CDKAL1: variants seen among roughly 807,000 people sequenced by gnomAD.
CDKAL1 encodes the protein CDKAL1 threonylcarbamoyladenosine tRNA methylthiotransferase.
In CDKAL1, 32 loss-of-function variants were observed where a neutral mutation model predicts 68.2. That is an observed-to-expected ratio of 0.47 (90% CI 0.35 to 0.63). The LOEUF (loss-of-function observed/expected upper bound fraction) is 0.63. CDKAL1 is among the 30% of genes least tolerant of loss of function. The probability of loss-of-function intolerance (pLI) is 0.00; values close to 1 mark genes in which losing one functional copy is unlikely to be tolerated. For missense variants in CDKAL1, 606 were observed against 696.7 expected, an observed-to-expected ratio of 0.87 and a Z score of 1.47; for synonymous variants, 234 against 244.3, an observed-to-expected ratio of 0.96 and a Z score of 0.39.
chr6:20,671,753 G>A (rs1383196457), intron 5 of CDKAL1, among the ~76,000 whole-genome samples: 2 of 151,450 alleles, frequency 1.3e-5, no homozygotes, highest in African/African-American at 2.4e-5. Flanking sequence ...TTAGTGATGG[G>A]GTCTCGTTAT....
At chr6:20,835,216 A>T (rs911891788) in intron 8 of CDKAL1, among the ~76,000 whole-genome samples, 2 of 152,210 alleles carry the variant, frequency 1.3e-5, no homozygotes, top group African/African-American at 4.8e-5. Context: ...AATGTTTCAC[A>T]GATGTATTCA....
chr6:20,853,397 A>C (rs1425859798), intron 9 of CDKAL1, among the ~76,000 whole-genome samples: 6 of 32,228 alleles, frequency 1.9e-4, no homozygotes, highest in African/African-American at 3.0e-4. Context: ...AAAACAAAAA[A>C]AAAACAAAAA....
At chr6:20,984,422 C>T (rs1162284562) in intron 10 of CDKAL1, among the ~76,000 whole-genome samples, 5 of 152,152 alleles carry the variant, frequency 3.3e-5, no homozygotes, top group African/African-American at 7.2e-5. Context: ...GGGAGGTGCC[C>T]GAGACCCCTG....
At chr6:21,219,978 T>A (rs1562126792) in intron 15 of CDKAL1, among the ~76,000 whole-genome samples, 1 of 152,202 alleles carries the variant, frequency 6.6e-6, no homozygotes, top group Non-Finnish European at 1.5e-5. Flanking sequence ...ATTGAAAAGA[T>A]TTCTTCATCA....
intron 10 of CDKAL1, among the ~76,000 whole-genome samples, chr6:20,957,338 G>A (rs779953143): frequency 1.1e-4 from 17 of 152,156 alleles, no homozygotes; most frequent in Non-Finnish European, 1.9e-4. Flanking sequence ...TTAATTGATT[G>A]CAAGATTGCA....
In CDKAL1 at chr6:20,816,597, T is replaced by A. The variant is rs190090310; in HGVS notation, c.639-29478T>A. Among the ~76,000 whole-genome samples the A allele has an allele frequency of 1.7e-3, 261 of 152,240 alleles. 1 individual carries two copies. Among genetic ancestry groups the A allele is most frequent in the African/African-American group, 5.8e-3 (241 of 41,558 alleles). ...TTGTTACAATGTTCTTGAAAATAAT[T>A]TAATTGTATTATATCTCTAAGTGAA... is the stretch of plus-strand genomic sequence containing the variant. On this transcript the variant is annotated intron_variant, in intron 8 of 15. Coordinates refer to ENST00000274695, the MANE Select transcript of CDKAL1 (RefSeq NM_017774.3).
intron 4 of CDKAL1, among the ~76,000 whole-genome samples, chr6:20,579,696 C>T (rs1359410725): frequency 2.0e-5 from 3 of 152,130 alleles, no homozygotes; most frequent in African/African-American, 4.8e-5. Flanking sequence ...TTTCAGAGCC[C>T]GTGCTCTTAA....
intron 5 of CDKAL1, among the ~76,000 whole-genome samples, chr6:20,706,324 G>A (rs1202336680): frequency 1.3e-5 from 2 of 152,086 alleles, no homozygotes; most frequent in Non-Finnish European, 2.9e-5. Flanking sequence ...AGAAGAAGGG[G>A]AAGAAAAAAT....
chr6:21,192,059 G>A (rs1486332489), intron 13 of CDKAL1, among the ~76,000 whole-genome samples: 5 of 107,036 alleles, frequency 4.7e-5, no homozygotes, highest in African/African-American at 1.5e-4. Context: ...CTGTCGCCCA[G>A]GCCGGACTGC....
chr6:21,212,280 T>C (rs934167480), intron 15 of CDKAL1, among the ~76,000 whole-genome samples: 4 of 152,244 alleles, frequency 2.6e-5, no homozygotes, highest in East Asian at 1.9e-4. Context: ...ACATGATAGG[T>C]TGAAATCCTC....
At chr6:20,979,371 ATAAT>A (rs1399210549) in intron 10 of CDKAL1, among the ~76,000 whole-genome samples, 3 of 152,214 alleles carry the variant, frequency 2.0e-5, no homozygotes, top group Non-Finnish European at 4.4e-5. Flanking sequence ...CAGGAAATAA[ATAAT>A]TAATACTTTG....
At chr6:21,009,456 G>A (rs1371737107) in intron 11 of CDKAL1, among the ~76,000 whole-genome samples, 2 of 152,178 alleles carry the variant, frequency 1.3e-5, no homozygotes, top group African/African-American at 4.8e-5. Flanking sequence ...AAGAAGCTGT[G>A]TTTGTTAAAG....
At chr6:20,851,888 A>C (rs1019605313) in intron 9 of CDKAL1, among the ~76,000 whole-genome samples, 3 of 152,012 alleles carry the variant, frequency 2.0e-5, no homozygotes, top group African/African-American at 7.3e-5. Context: ...TCAGTTGTAC[A>C]CTTTATATCA....
At chr6:21,067,036 CTT>C (rs897641167) in intron 12 of CDKAL1, among the ~76,000 whole-genome samples, 21 of 152,128 alleles carry the variant, frequency 1.4e-4, no homozygotes, top group African/African-American at 4.8e-4. Context: ...TTTTTTTAAA[CTT>C]TACTTCTTCT....
At chr6:21,160,576 G>A (rs1437535717) in intron 13 of CDKAL1, among the ~76,000 whole-genome samples, 2 of 146,756 alleles carry the variant, frequency 1.4e-5, no homozygotes, top group Non-Finnish European at 1.5e-5. Flanking sequence ...GATTACAGGC[G>A]TGAGCCACCG....
chr6:21,180,752 G>A (rs1007349430), intron 13 of CDKAL1, among the ~76,000 whole-genome samples: 1 of 151,938 alleles, frequency 6.6e-6, no homozygotes, highest in Middle Eastern at 3.4e-3. Flanking sequence ...AAGACCTTTT[G>A]TAGTTTTTAT....
intron 10 of CDKAL1, among the ~76,000 whole-genome samples, chr6:20,966,575 AG>A (rs537278764): frequency 1.3e-5 from 2 of 152,138 alleles, no homozygotes; most frequent in East Asian, 1.9e-4. Context: ...CATTAGTTTG[AG>A]GGGGGAAATG....
At chr6:20,702,085 A>C (rs1442663289) in intron 5 of CDKAL1, among the ~76,000 whole-genome samples, 1 of 152,048 alleles carries the variant, frequency 6.6e-6, no homozygotes, top group East Asian at 1.9e-4. Flanking sequence ...TTTCTTCCCT[A>C]CTCCTGTGCT....
At chr6:21,125,035 C>T (rs368548719) in intron 13 of CDKAL1, among the ~76,000 whole-genome samples, 7 of 151,984 alleles carry the variant, frequency 4.6e-5, no homozygotes, top group African/African-American at 1.7e-4. Flanking sequence ...TAGAAGCCAC[C>T]GTCACTTCAT....
Sources: allele counts gnomAD v4.1 joint callset (sites outside exome capture counted in the v4.1 genomes callset), GRCh38; gene constraint gnomAD v4.1.1; transcripts MANE v1.5; gene names NCBI Gene and HGNC (gene_info 2026-07-23, HGNC 2026-07-21).